SCN11A: variants seen among roughly 807,000 people sequenced by gnomAD.
SCN11A encodes sodium voltage-gated channel alpha subunit 11, also known as sodium channel protein type 11 subunit alpha.
A neutral mutation model predicts 162.2 loss-of-function variants in SCN11A; 122 were observed. The ratio of observed to expected loss-of-function variants is 0.75; its 90% CI spans 0.65 to 0.87. The LOEUF (loss-of-function observed/expected upper bound fraction) is 0.87, where lower values mean the gene tolerates loss of function less well. Ranked by LOEUF, SCN11A falls within the 40% of genes least tolerant of loss-of-function variation. The pLI is 0.00. For synonymous variants in SCN11A, 758 were observed against 751.5 expected (o/e 1.01, Z -0.14); for missense variants, 2,015 against 2,181.6 (o/e 0.92, Z 1.52).
intron 2 of SCN11A, among the ~76,000 whole-genome samples, chr3:38,970,439 T>C (rs2066809964): frequency 6.6e-6 from 1 of 152,212 alleles, no homozygotes; most frequent in East Asian, 1.9e-4. Context: ...GCTCATTAGA[T>C]TGCCATAATT....
intron 2 of SCN11A, among the ~76,000 whole-genome samples, chr3:38,989,525 T>A (rs1036717441): frequency 1.3e-5 from 2 of 152,206 alleles, no homozygotes; most frequent in African/African-American, 4.8e-5. Flanking sequence ...CTAACTGCTT[T>A]TCAGAATTCC....
At chr3:38,970,321 C>T (rs892777479) in intron 2 of SCN11A, among the ~76,000 whole-genome samples, 11 of 152,100 alleles carry the variant, frequency 7.2e-5, no homozygotes. Context: ...TGCATGCATG[C>T]CCTTGGGATC....
chr3:38,932,474 A>G (rs1187607714), intron 7 of SCN11A, among the ~76,000 whole-genome samples: 1 of 152,194 alleles, frequency 6.6e-6, no homozygotes, highest in African/African-American at 2.4e-5. Flanking sequence ...TAGTCAAAGA[A>G]AGGGGTGAGA....
intron 2 of SCN11A, among the ~76,000 whole-genome samples, chr3:38,960,796 T>C (rs1459711699): frequency 6.6e-6 from 1 of 152,144 alleles, no homozygotes; most frequent in Admixed American, 6.5e-5. Context: ...GGGTGTCCAT[T>C]TGGCATCTCC....
At chr3:38,851,280 A>C (rs2064774079) in intron 28 of SCN11A, among the ~76,000 whole-genome samples, 1 of 152,226 alleles carries the variant, frequency 6.6e-6, no homozygotes, top group African/African-American at 2.4e-5. Context: ...ATAATTCTTC[A>C]ATGCCAATTT....
chr3:38,952,024 T>G (rs1173075957), intron 4 of SCN11A, among the ~76,000 whole-genome samples: 7 of 152,142 alleles, frequency 4.6e-5, no homozygotes, highest in Admixed American at 2.6e-4. Flanking sequence ...TGCTTACTCT[T>G]TGGGTCCACA....
chr3:38,993,958 A>T (rs1175549170), intron 2 of SCN11A, among the ~76,000 whole-genome samples: 1 of 152,226 alleles, frequency 6.6e-6, no homozygotes, highest in Non-Finnish European at 1.5e-5. Flanking sequence ...TCTTCCATGC[A>T]GTCTCTTAGA....
At chr3:38,941,535 A>T (rs1444750745) in intron 7 of SCN11A, among the ~76,000 whole-genome samples, 1 of 152,226 alleles carries the variant, frequency 6.6e-6, no homozygotes, top group Non-Finnish European at 1.5e-5. Context: ...TATTGTGTAC[A>T]TTAGCATAAC....
rs555362768 is a variant in SCN11A at position 38,850,744 on chromosome 3, C to A, written c.4064G>T (p.Cys1355Phe). The A allele has an allele frequency of 6.0e-5, 95 of 1,581,256 alleles. No individual in the cohort carries two copies. In the South Asian group the frequency reaches 1.1e-3, roughly 18 times the overall value. Residue 1355 changes from cysteine (C) to phenylalanine (F), a missense_variant, in exon 29 of 30, where the codon TGT becomes TTT. Coordinates refer to ENST00000302328, the MANE Select transcript of SCN11A (RefSeq NM_001349253.2). ...QKPIPRPLNK[C>F]QGLVFDIVTS... ...GACTATGTCGAACACGAGACCTTGA[C>A]ATTTGTTCTGAGAAAAAAAAGAAAT...
intron 1 of SCN11A, among the ~76,000 whole-genome samples, chr3:39,047,486 G>C (rs1331874937): frequency 1.3e-5 from 2 of 152,054 alleles, no homozygotes; most frequent in African/African-American, 4.8e-5. Context: ...TTATGGATAA[G>C]CCCTCAAAAG....
chr3:38,948,734 T>C (rs1368484571), intron 5 of SCN11A, among the ~76,000 whole-genome samples: 1 of 152,174 alleles, frequency 6.6e-6, no homozygotes, highest in Non-Finnish European at 1.5e-5. Flanking sequence ...GGCTGAGAAG[T>C]GGTGGTCCTA....
At chr3:39,021,641 G>A (rs902962898) in intron 2 of SCN11A, among the ~76,000 whole-genome samples, 5 of 152,158 alleles carry the variant, frequency 3.3e-5, no homozygotes, top group African/African-American at 1.2e-4. Flanking sequence ...CATTTGTTCT[G>A]AGTCCCACCT....
At chr3:38,962,319 G>GT (rs777688385) in intron 2 of SCN11A, among the ~76,000 whole-genome samples, 17 of 152,014 alleles carry the variant, frequency 1.1e-4, no homozygotes, top group Non-Finnish European at 1.8e-4. Flanking sequence ...CAGATTTGTT[G>GT]TTTTTTCTTA....
In SCN11A at chr3:38,897,062, G is replaced by T. The variant is rs1469862475; in HGVS notation, c.2186C>A (p.Ser729Tyr). 6.2e-7 allele frequency: 1 copy of T among 1,614,098 alleles called. No homozygotes were observed. Among genetic ancestry groups the T allele is most frequent in the East Asian group, 2.2e-5 (1 of 44,874 alleles). Reference sequence around the variant, plus strand: ...GTTACAGAGTTTTGGACTCTTTTGGGAATTGAAGCTACGGCCAAAAAGCTG... The same window carrying T: ...GTTACAGAGTTTTGGACTCTTTTGGTAATTGAAGCTACGGCCAAAAAGCTG... ...GMQLFGRSFN[S>Y]QKSPKLCNPT... The change falls in exon 18 of 30, where the codon TCC becomes TAC. Residue 729 changes from serine to tyrosine, a missense_variant. Transcript: ENST00000302328.
At chr3:39,046,640 A>T (rs540130132) in intron 1 of SCN11A, among the ~76,000 whole-genome samples, 1 of 152,320 alleles carries the variant, frequency 6.6e-6, no homozygotes, top group East Asian at 1.9e-4. Flanking sequence ...TAAACAAAAC[A>T]GCATAGTACT....
At chr3:38,904,962 C>T (rs2065769069) in intron 15 of SCN11A, among the ~76,000 whole-genome samples, 1 of 152,222 alleles carries the variant, frequency 6.6e-6, no homozygotes, top group South Asian at 2.1e-4. Flanking sequence ...CAGCTTCCAC[C>T]TCTACCCAGG....
At chr3:38,908,892 T>C in intron 13 of SCN11A, 105 bp downstream of exon 13, 1 of 917,748 alleles carries the variant, frequency 1.1e-6, no homozygotes, top group African/African-American at 1.6e-5. Flanking sequence ...GAGAAAGCAC[T>C]GAGACCAGGC....
At position 38,883,272 on chromosome 3, in the gene SCN11A, G is replaced by A; in HGVS notation, c.3180C>T (p.Ser1060=). 6.2e-7 allele frequency: 1 copy of A among 1,613,852 alleles called. No homozygotes were observed. Among genetic ancestry groups the A allele is most frequent in the Non-Finnish European group, 8.5e-7 (1 of 1,179,856 alleles). ...TCAGCAGAATCACAAAGATAATAAA[G>A]CTCTCAAACCAGCTGTGTTTCACTA... ...YQIVKHSWFE[S]FIIFVILLSS... Residue 1060 remains serine, a synonymous_variant, in exon 22 of 30, where the codon AGC becomes AGT. Transcript: ENST00000302328.
chr3:38,867,981 T>C (rs894675748), intron 26 of SCN11A, among the ~76,000 whole-genome samples: 2 of 152,230 alleles, frequency 1.3e-5, no homozygotes, highest in Non-Finnish European at 2.9e-5. Flanking sequence ...TTCTGATATG[T>C]AGATTTTTGA....
Sources: gnomAD v4.1 joint callset for allele counts (sites outside exome capture counted in the v4.1 genomes callset) on GRCh38, gnomAD v4.1.1 for gene constraint, MANE v1.5 for transcripts, NCBI Gene and HGNC (gene_info 2026-07-23, HGNC 2026-07-21) for gene names.